The following LIN9 variants were observed in gnomAD, a reference collection of about 807,000 sequenced individuals.
The protein encoded by LIN9 is protein lin-9 homolog.
Under a neutral mutation model 78.0 loss-of-function variants are expected in LIN9, and 18 were observed. The ratio of observed to expected loss-of-function variants is 0.23; its 90% CI spans 0.16 to 0.34. LIN9 has a LOEUF of 0.34. Ranked by LOEUF, LIN9 falls within the 10% of genes least tolerant of loss-of-function variation. The probability of loss-of-function intolerance (pLI) is 1.00; values close to 1 mark genes in which losing one functional copy is unlikely to be tolerated. For missense variants in LIN9, 451 were observed against 644.1 expected, an observed-to-expected ratio of 0.70 and a Z score of 3.25; for synonymous variants, 192 against 215.2, an observed-to-expected ratio of 0.89 and a Z score of 0.94.
intron 1 of LIN9, 174 bp downstream of exon 1, chr1:226,308,935 T>G: frequency 6.2e-6 from 3 of 482,020 alleles, no homozygotes; most frequent in Non-Finnish European, 6.4e-6. Context: ...ACAGACACCA[T>G]AACAAAGGCG....
At chr1:226,289,501 T>G (rs990564364) in intron 4 of LIN9, among the ~76,000 whole-genome samples, 2 of 152,060 alleles carry the variant, frequency 1.3e-5, no homozygotes, top group African/African-American at 4.8e-5. Flanking sequence ...TAGCTGGGAC[T>G]GCAGGCATGT....
chr1:226,285,655 C>A (rs565560187), intron 6 of LIN9, among the ~76,000 whole-genome samples: 7 of 152,108 alleles, frequency 4.6e-5, no homozygotes, highest in Non-Finnish European at 8.8e-5. Flanking sequence ...CAGGATAACA[C>A]TGGAAAAGAA....
intron 1 of LIN9, among the ~76,000 whole-genome samples, chr1:226,304,883 T>C (rs752438870): frequency 7.9e-5 from 12 of 152,120 alleles, no homozygotes; most frequent in East Asian, 1.9e-4. Flanking sequence ...GGAAGTTACA[T>C]AGTAATACAA....
intron 10 of LIN9, among the ~76,000 whole-genome samples, chr1:226,255,880 T>C (rs1659157962): frequency 6.6e-6 from 1 of 151,686 alleles, no homozygotes; most frequent in African/African-American, 2.4e-5. Flanking sequence ...ACAAAAGGTA[T>C]AACTTATGCA....
chr1:226,304,538 CAG>C (rs1338491594), intron 1 of LIN9, among the ~76,000 whole-genome samples: 2 of 152,082 alleles, frequency 1.3e-5, no homozygotes, highest in African/African-American at 2.4e-5. Flanking sequence ...AGGAAATAAA[CAG>C]GGTGATATTG....
intron 4 of LIN9, among the ~76,000 whole-genome samples, chr1:226,289,841 G>C (rs1479805861): frequency 3.0e-5 from 2 of 66,596 alleles, no homozygotes; most frequent in East Asian, 1.2e-3. Context: ...CTCCGGGGGG[G>C]GGGGTGGGGG....
At chr1:226,234,533 TA>T (rs1290676311) in intron 12 of LIN9, among the ~76,000 whole-genome samples, 3 of 152,186 alleles carry the variant, frequency 2.0e-5, no homozygotes, top group Non-Finnish European at 4.4e-5. Context: ...CACGTCCCCG[TA>T]ATTTGGGGGC....
intron 4 of LIN9, 137 bp from the exon 5 acceptor site, chr1:226,287,934 G>A: frequency 1.6e-6 from 1 of 612,980 alleles, no homozygotes; most frequent in Non-Finnish European, 2.8e-6. Flanking sequence ...TATTCAACAT[G>A]GAATTTTGTT....
At chr1:226,268,502 G>A (rs1010364004) in intron 7 of LIN9, among the ~76,000 whole-genome samples, 1 of 152,164 alleles carries the variant, frequency 6.6e-6, no homozygotes, top group Non-Finnish European at 1.5e-5. Context: ...GCTATACTTA[G>A]GAAAACCTCC....
chr1:226,243,738 C>G (rs1658269353), intron 11 of LIN9, among the ~76,000 whole-genome samples: 1 of 148,874 alleles, frequency 6.7e-6, no homozygotes, highest in South Asian at 2.2e-4. Context: ...TCAAAAAAAC[C>G]CAATAGTATA....
At chr1:226,293,874 CT>C (rs998481494) in intron 4 of LIN9, among the ~76,000 whole-genome samples, 6 of 150,240 alleles carry the variant, frequency 4.0e-5, no homozygotes, top group Admixed American at 1.3e-4. Context: ...TCCTTGACAA[CT>C]TTTTTTTTTG....
chr1:226,307,551 G>A (rs1344128263), intron 1 of LIN9, among the ~76,000 whole-genome samples: 2 of 152,142 alleles, frequency 1.3e-5, no homozygotes, highest in Non-Finnish European at 1.5e-5. Flanking sequence ...TAGGAGAATC[G>A]CTTGAACCTG....
chr1:226,246,791 TCAAA>T (rs1658508501), intron 11 of LIN9, among the ~76,000 whole-genome samples: 1 of 36,708 alleles, frequency 2.7e-5, no homozygotes. Flanking sequence ...AGACTCTGTC[TCAAA>T]AAAAAAAAAA....
intron 11 of LIN9, among the ~76,000 whole-genome samples, chr1:226,239,463 T>C (rs1180995972): frequency 6.6e-6 from 1 of 152,246 alleles, no homozygotes; most frequent in African/African-American, 2.4e-5. Context: ...ATTCTAGTTA[T>C]TTAAATCAAT....
chr1:226,279,449 G>A (rs935051470), intron 6 of LIN9, among the ~76,000 whole-genome samples: 1 of 151,372 alleles, frequency 6.6e-6, no homozygotes, highest in Non-Finnish European at 1.5e-5. Context: ...GCACAACAGA[G>A]GGAGACTGTT....
intron 12 of LIN9, among the ~76,000 whole-genome samples, chr1:226,237,060 A>G (rs1657765935): frequency 6.6e-6 from 1 of 152,210 alleles, no homozygotes; most frequent in Non-Finnish European, 1.5e-5. Context: ...TTCTTATTTT[A>G]AAATCTATAT....
At chr1:226,232,635 C>A (rs1468392368) in intron 14 of LIN9, 29 bp from the exon 15 acceptor site, 2 of 1,400,922 alleles carry the variant, frequency 1.4e-6, no homozygotes, top group Non-Finnish European at 2.0e-6. Flanking sequence ...TGGTTAACTA[C>A]TTTATTTCAA....
chr1:226,245,996 CTATATG>C (rs1658451667), intron 11 of LIN9, among the ~76,000 whole-genome samples: 1 of 152,092 alleles, frequency 6.6e-6, no homozygotes, highest in African/African-American at 2.4e-5. Context: ...TTATCTAGGC[CTATATG>C]TATATACACC....
At chr1:226,259,122 A>G (rs1018675908) in intron 10 of LIN9, among the ~76,000 whole-genome samples, 10 of 151,464 alleles carry the variant, frequency 6.6e-5, no homozygotes, top group Non-Finnish European at 1.3e-4. Flanking sequence ...CACCACACCT[A>G]GCTAATTTTG....
Sources: gnomAD v4.1 joint callset for allele counts (sites outside exome capture counted in the v4.1 genomes callset) on GRCh38, gnomAD v4.1.1 for gene constraint, MANE v1.5 for transcripts, NCBI Gene and HGNC (gene_info 2026-07-23, HGNC 2026-07-21) for gene names.